Variants in GAS2 observed in about 807,000 individuals in gnomAD.
GAS2 encodes the protein growth arrest specific 2, also known as growth arrest-specific protein 2.
Under a neutral mutation model 37.5 loss-of-function variants are expected in GAS2, and 20 were observed. The observed-to-expected ratio is 0.53, with a 90% CI of 0.37 to 0.77. The LOEUF (loss-of-function observed/expected upper bound fraction) is 0.77. Ranked by LOEUF, GAS2 falls within the 30% of genes least tolerant of loss-of-function variation. The probability of loss-of-function intolerance (pLI) is 0.00; values close to 1 mark genes in which losing one functional copy is unlikely to be tolerated. For missense variants in GAS2, 336 were observed against 373.4 expected, an observed-to-expected ratio of 0.90 and a Z score of 0.82; for synonymous variants, 144 against 132.2, an observed-to-expected ratio of 1.09 and a Z score of -0.61.
intron 3 of GAS2, among the ~76,000 whole-genome samples, chr11:22,698,212 A>G (rs1027502654): frequency 9.9e-5 from 15 of 152,224 alleles, no homozygotes; most frequent in African/African-American, 3.6e-4. Context: ...ACAGAAATAC[A>G]AACTACCATC....
intron 7 of GAS2, among the ~76,000 whole-genome samples, chr11:22,791,696 C>T (rs1856171067): frequency 6.6e-6 from 1 of 152,070 alleles, no homozygotes; most frequent in Non-Finnish European, 1.5e-5. Flanking sequence ...GCTTTTAAGA[C>T]AAATGAAGGA....
chr11:22,790,880 G>A (rs1413844802), intron 7 of GAS2, among the ~76,000 whole-genome samples: 1 of 152,030 alleles, frequency 6.6e-6, no homozygotes, highest in Non-Finnish European at 1.5e-5. Flanking sequence ...TTGAAATGTA[G>A]CATATGCAGA....
chr11:22,635,184 C>T (rs1312030300), intron 1 of GAS2, among the ~76,000 whole-genome samples: 1 of 152,294 alleles, frequency 6.6e-6, no homozygotes, highest in East Asian at 1.9e-4. Flanking sequence ...AGTCCCTGCC[C>T]TTTGTGTTAA....
At chr11:22,769,367 T>A (rs1280621295) in intron 7 of GAS2, among the ~76,000 whole-genome samples, 1 of 152,188 alleles carries the variant, frequency 6.6e-6, no homozygotes, top group East Asian at 1.9e-4. Context: ...TTCCCCAACA[T>A]CTTGTAACAA....
Position 22,737,956 on chromosome 11 carries a change from A to G in GAS2, c.473+188A>G, listed in dbSNP as rs528867619. On this transcript the variant is annotated intron_variant, in intron 5 of 7. Coordinates refer to ENST00000454584, the MANE Select transcript of GAS2 (RefSeq NM_001143830.3). ...TAAAAGTGTGCCACCAATATTCCTA[A>G]CCTCAAGATCTTGTTGTCAAAGCCA... Among the ~76,000 whole-genome samples the G allele has an allele frequency of 2.0e-5, 3 of 152,280 alleles. No individual in the cohort carries two copies. The South Asian group carries it at 6.2e-4, about 32-fold the overall frequency.
intron 3 of GAS2, among the ~76,000 whole-genome samples, chr11:22,721,610 A>G (rs1851952184): frequency 6.6e-6 from 1 of 152,058 alleles, no homozygotes; most frequent in South Asian, 2.1e-4. Flanking sequence ...CACTATCCAC[A>G]TGTGGCTATT....
At chr11:22,756,315 G>T (rs1370380826) in intron 7 of GAS2, among the ~76,000 whole-genome samples, 3 of 151,852 alleles carry the variant, frequency 2.0e-5, no homozygotes, top group Admixed American at 2.0e-4. Flanking sequence ...GAAAAGAAAA[G>T]AAAATGAAAA....
chr11:22,766,796 A>G (rs1441107931), intron 7 of GAS2, among the ~76,000 whole-genome samples: 1 of 152,230 alleles, frequency 6.6e-6, no homozygotes, highest in Admixed American at 6.5e-5. Flanking sequence ...ACAATTTACT[A>G]CAATTATAAA....
chr11:22,653,013 TTCTTTCTTTCTTTCTTTCTTTC>T (rs1404212924), intron 1 of GAS2, among the ~76,000 whole-genome samples: 18 of 145,670 alleles, frequency 1.2e-4, no homozygotes, highest in African/African-American at 4.6e-4. Flanking sequence ...CTTTCTTTCT[TTCTTTCTTTCTTTCTTTCTTTC>T]TCTTTCTTTC....
intron 4 of GAS2, among the ~76,000 whole-genome samples, chr11:22,733,246 C>CTAT (rs1278983558): frequency 2.0e-5 from 3 of 151,596 alleles, no homozygotes; most frequent in Non-Finnish European, 4.4e-5. Flanking sequence ...TTCTAGTTTA[C>CTAT]TATTTCTTCT....
upstream of GAS2, among the ~76,000 whole-genome samples, chr11:22,662,692 C>T (rs771911355): frequency 6.6e-5 from 10 of 151,722 alleles, no homozygotes; most frequent in Admixed American, 1.3e-4. Context: ...AGACAACAGA[C>T]GTCACACCAC....
At chr11:22,733,600 G>A (rs1852595394) in intron 4 of GAS2, among the ~76,000 whole-genome samples, 2 of 151,494 alleles carry the variant, frequency 1.3e-5, no homozygotes, top group Admixed American at 1.3e-4. Context: ...TCTTGCTTTA[G>A]TGGAAAGCCT....
chr11:22,639,079 T>G (rs953537946), intron 1 of GAS2, among the ~76,000 whole-genome samples: 1 of 152,174 alleles, frequency 6.6e-6, no homozygotes, highest in Non-Finnish European at 1.5e-5. Flanking sequence ...GTAGAAACTT[T>G]GCAAACATGT....
intron 7 of GAS2, among the ~76,000 whole-genome samples, chr11:22,757,109 TC>T (rs1854085406): frequency 6.6e-6 from 1 of 152,158 alleles, no homozygotes; most frequent in Non-Finnish European, 1.5e-5. Flanking sequence ...AAACAGTTAT[TC>T]CTTTTTGTAA....
intron 3 of GAS2, among the ~76,000 whole-genome samples, chr11:22,695,060 C>T (rs1850431094): frequency 6.6e-6 from 1 of 152,208 alleles, no homozygotes; most frequent in South Asian, 2.1e-4. Flanking sequence ...TGGCTCACCC[C>T]TGTATTCCCA....
chr11:22,658,790 C>G (rs544236235), intron 1 of GAS2, among the ~76,000 whole-genome samples: 1 of 152,080 alleles, frequency 6.6e-6, no homozygotes, highest in Non-Finnish European at 1.5e-5. Context: ...ATCTCCCTGA[C>G]TTTTATCTCC....
intron 7 of GAS2, among the ~76,000 whole-genome samples, chr11:22,765,166 T>C (rs1179068936): frequency 2.0e-5 from 3 of 152,220 alleles, no homozygotes; most frequent in Non-Finnish European, 4.4e-5. Context: ...ATTTTATATC[T>C]AGTGATGTTG....
chr11:22,690,232 TCGC>T (rs1850174106), intron 3 of GAS2, among the ~76,000 whole-genome samples: 2 of 152,164 alleles, frequency 1.3e-5, no homozygotes, highest in Non-Finnish European at 2.9e-5. Flanking sequence ...AAATGTTAGT[TCGC>T]ATATTTAATA....
At chr11:22,652,949 AC>A (rs1465830124) in intron 1 of GAS2, among the ~76,000 whole-genome samples, 8 of 61,682 alleles carry the variant, frequency 1.3e-4, no homozygotes, top group Non-Finnish European at 2.7e-4. Flanking sequence ...CTCCTCCACA[AC>A]CTCTTTCTTT....
Sources: gnomAD v4.1 joint callset for allele counts (sites outside exome capture counted in the v4.1 genomes callset) on GRCh38, gnomAD v4.1.1 for gene constraint, MANE v1.5 for transcripts, NCBI Gene and HGNC (gene_info 2026-07-23, HGNC 2026-07-21) for gene names.